The following LARGE1 variants were observed in gnomAD, a reference collection of about 807,000 sequenced individuals.
The protein encoded by LARGE1 is LARGE xylosyl- and glucuronyltransferase 1, also known as xylosyl- and glucuronyltransferase LARGE1.
LARGE1 carries 43 observed loss-of-function variants against 87.6 expected under a neutral mutation model. The observed-to-expected ratio is 0.49, with a 90% CI of 0.38 to 0.63. The LOEUF (loss-of-function observed/expected upper bound fraction) is 0.63, where lower values mean the gene tolerates loss of function less well. LARGE1 is among the 30% of genes least tolerant of loss of function. The probability of loss-of-function intolerance (pLI) is 0.00; values close to 1 mark genes in which losing one functional copy is unlikely to be tolerated. For synonymous variants in LARGE1, 434 were observed against 394.6 expected, an observed-to-expected ratio of 1.10 and a Z score of -1.18; for missense variants, 802 against 1,000.2, an observed-to-expected ratio of 0.80 and a Z score of 2.67.
intron 1 of LARGE1, among the ~76,000 whole-genome samples, chr22:33,820,007 A>T (rs1026299444): frequency 3.9e-5 from 6 of 152,182 alleles, no homozygotes; most frequent in Non-Finnish European, 8.8e-5. Context: ...TGGATGGTCC[A>T]GGGTGTTTCC....
intron 6 of LARGE1, among the ~76,000 whole-genome samples, chr22:33,509,961 C>G (rs2070976601): frequency 6.6e-6 from 1 of 152,168 alleles, no homozygotes; most frequent in Non-Finnish European, 1.5e-5. Flanking sequence ...TGTGAGCCCT[C>G]ATCTCTGACC....
intron 1 of LARGE1, among the ~76,000 whole-genome samples, chr22:33,771,185 T>G (rs906666315): frequency 6.6e-6 from 1 of 151,868 alleles, no homozygotes; most frequent in African/African-American, 2.4e-5. Flanking sequence ...TTTTTTTTTT[T>G]TTTGTATTCT....
intron 2 of LARGE1, among the ~76,000 whole-genome samples, chr22:33,715,056 C>T (rs921099837): frequency 9.2e-5 from 14 of 152,178 alleles, no homozygotes; most frequent in African/African-American, 3.4e-4. Context: ...GCTTCACTTC[C>T]ACCATCTTTG....
At chr22:33,542,900 C>T (rs1035847970) in intron 6 of LARGE1, among the ~76,000 whole-genome samples, 3 of 152,092 alleles carry the variant, frequency 2.0e-5, no homozygotes, top group Non-Finnish European at 2.9e-5. Flanking sequence ...TCTGTCCAAG[C>T]GAAGTTCTCT....
intron 7 of LARGE1, among the ~76,000 whole-genome samples, chr22:33,400,843 G>A (rs1221864342): frequency 1.3e-5 from 2 of 152,210 alleles, no homozygotes; most frequent in Non-Finnish European, 2.9e-5. Flanking sequence ...GAGGTCACAG[G>A]TGTCTTCTCT....
intron 7 of LARGE1, among the ~76,000 whole-genome samples, chr22:33,392,557 G>A (rs1266288175): frequency 1.3e-5 from 2 of 152,136 alleles, no homozygotes; most frequent in Non-Finnish European, 2.9e-5. Flanking sequence ...TACTTAGGAG[G>A]CTGAGGCAGA....
chr22:33,320,684 T>C (rs976743270), intron 10 of LARGE1, among the ~76,000 whole-genome samples: 1 of 152,214 alleles, frequency 6.6e-6, no homozygotes, highest in Non-Finnish European at 1.5e-5. Flanking sequence ...TGTCCTCTAA[T>C]TATATGCACA....
intron 6 of LARGE1, among the ~76,000 whole-genome samples, chr22:33,503,247 TTTTTTTTTTTTG>T (rs1314174513): frequency 7.3e-5 from 11 of 150,552 alleles, no homozygotes; most frequent in East Asian, 2.0e-4. Flanking sequence ...TTCCCCTTTT[TTTTTTTTTTTTG>T]TTTTTTTTTT....
chr22:33,546,757 T>C (rs2077370797), intron 6 of LARGE1, among the ~76,000 whole-genome samples: 1 of 152,154 alleles, frequency 6.6e-6, no homozygotes, highest in Admixed American at 6.5e-5. Flanking sequence ...CTAATTTTTG[T>C]ATTTTTAGTA....
the LARGE1 span, among the ~76,000 whole-genome samples, chr22:33,074,947 T>G: frequency 3.9e-5 from 6 of 152,212 alleles, no homozygotes; most frequent in Admixed American, 1.3e-4. Context: ...CATAGGCATG[T>G]GATAGTTATT....
intron 11 of LARGE1, among the ~76,000 whole-genome samples, chr22:33,185,208 A>T (rs1923410798): frequency 6.6e-6 from 1 of 152,154 alleles, no homozygotes; most frequent in African/African-American, 2.4e-5. Flanking sequence ...CAGACAATGG[A>T]ATATTATTCA....
chr22:33,579,438 C>T (rs1310909284), intron 5 of LARGE1, among the ~76,000 whole-genome samples: 5 of 152,138 alleles, frequency 3.3e-5, no homozygotes, highest in African/African-American at 9.7e-5. Context: ...ACCATGAAAA[C>T]GGACTAATAC....
At chr22:33,405,427 G>T (rs922546116) in intron 7 of LARGE1, among the ~76,000 whole-genome samples, 1 of 152,110 alleles carries the variant, frequency 6.6e-6, no homozygotes, top group African/African-American at 2.4e-5. Context: ...TTCAGATCTC[G>T]GCTAAACTGT....
chr22:33,774,084 G>C (rs778660745), intron 1 of LARGE1, among the ~76,000 whole-genome samples: 1 of 150,700 alleles, frequency 6.6e-6, no homozygotes, highest in Non-Finnish European at 1.5e-5. Context: ...GTGGGGTGGG[G>C]GTGGAGGGGC....
At chr22:33,657,160 A>T (rs2080984645) in intron 2 of LARGE1, 1 of 152,252 alleles carries the variant, frequency 6.6e-6, no homozygotes, top group Admixed American at 6.5e-5. Flanking sequence ...TTCAGGGGTG[A>T]CAGACCCAGA....
In LARGE1 at chr22:33,790,074, C is replaced by T. The variant is rs115646760; in HGVS notation, c.-82-28516G>A. Among the ~76,000 whole-genome samples, 805 of 152,226 alleles carry T rather than the reference C, an allele frequency of 5.3e-3. 6 individuals are homozygous for T. Among genetic ancestry groups the T allele is most frequent in the African/African-American group, 0.018 (764 of 41,546 alleles). On this transcript the variant is annotated intron_variant, in intron 1 of 14. Coordinates refer to ENST00000397394, the MANE Select transcript of LARGE1 (RefSeq NM_133642.5). ...ACTCCCCTTGAATTGTAATAATCCC[C>T]ACACATCAAGGGCGGCACTAGGTGG...
chr22:33,834,022 G>A (rs1417138121), intron 1 of LARGE1, among the ~76,000 whole-genome samples: 1 of 152,094 alleles, frequency 6.6e-6, no homozygotes, highest in Non-Finnish European at 1.5e-5. Context: ...ACTGGAATTC[G>A]GGGAAGCTGA....
downstream of LARGE1, among the ~76,000 whole-genome samples, chr22:33,269,876 G>A (rs1445550563): frequency 6.6e-6 from 1 of 151,862 alleles, no homozygotes; most frequent in Admixed American, 6.6e-5. Context: ...GTGGTGGCGG[G>A]CGCCTGTAGT....
At chr22:33,846,665 G>A (rs191445755) in intron 1 of LARGE1, among the ~76,000 whole-genome samples, 4 of 152,226 alleles carry the variant, frequency 2.6e-5, no homozygotes, top group South Asian at 2.1e-4. Flanking sequence ...AACATCCCTC[G>A]GAAAGAGAAT....
Sources: allele counts gnomAD v4.1 joint callset (sites outside exome capture counted in the v4.1 genomes callset), GRCh38; gene constraint gnomAD v4.1.1; transcripts MANE v1.5; gene names NCBI Gene and HGNC (gene_info 2026-07-23, HGNC 2026-07-21).